Variants in PCDHA2 observed in about 807,000 individuals in gnomAD.
PCDHA2 encodes protocadherin alpha 2, also known as protocadherin alpha-2.
A neutral mutation model predicts 66.0 loss-of-function variants in PCDHA2; 58 were observed. That is an observed-to-expected ratio of 0.88 (90% CI 0.71 to 1.09). The LOEUF (loss-of-function observed/expected upper bound fraction) is 1.09, where lower values mean the gene tolerates loss of function less well. Ranked by LOEUF, PCDHA2 falls within the 50% of genes least tolerant of loss-of-function variation. The probability of loss-of-function intolerance (pLI) is 0.00; values close to 1 mark genes in which losing one functional copy is unlikely to be tolerated. For synonymous variants in PCDHA2, 634 were observed against 554.0 expected (o/e 1.14, Z -2.03); for missense variants, 1,267 against 1,242.3 (o/e 1.02, Z -0.30).
chr5:140,972,958 G>C (rs918792607), intron 1 of PCDHA2, among the ~76,000 whole-genome samples: 1 of 152,038 alleles, frequency 6.6e-6, no homozygotes, highest in African/African-American at 2.4e-5. Context: ...CACCATGCCC[G>C]GCAAAGGAAA....
chr5:140,868,872 G>T, intron 1 of PCDHA2: 1 of 640,590 alleles, frequency 1.6e-6, no homozygotes. Context: ...GCAGTGCACA[G>T]TACTCACAGT....
chr5:140,838,514 G>A (rs1775767521), intron 1 of PCDHA2, among the ~76,000 whole-genome samples: 1 of 151,652 alleles, frequency 6.6e-6, no homozygotes, highest in African/African-American at 2.4e-5. Context: ...AAAAGTATTT[G>A]CATCTTATTT....
At chr5:140,962,169 C>T (rs2095662298) in intron 1 of PCDHA2, among the ~76,000 whole-genome samples, 1 of 152,152 alleles carries the variant, frequency 6.6e-6, no homozygotes, top group Non-Finnish European at 1.5e-5. Flanking sequence ...GCCACCACAC[C>T]CGGCCACTTA....
intron 1 of PCDHA2, chr5:140,926,762 C>T: frequency 7.5e-7 from 1 of 1,326,672 alleles, no homozygotes; most frequent in Non-Finnish European, 9.8e-7. Context: ...CGCTGAGTAT[C>T]CAGCCCGCAG....
At chr5:140,854,384 C>T (rs1268523616) in intron 1 of PCDHA2, 1 of 155,336 alleles carries the variant, frequency 6.4e-6, no homozygotes, top group Non-Finnish European at 1.4e-5. Flanking sequence ...TAACTCATTA[C>T]ATTTTAATTC....
chr5:140,869,778 C>A (rs782226363), intron 1 of PCDHA2: 1 of 1,612,922 alleles, frequency 6.2e-7, no homozygotes, highest in Non-Finnish European at 8.5e-7. Context: ...TTACTGGCAC[C>A]GTTCGGCTGT....
At position 140,835,793 on chromosome 5, in the gene PCDHA2, G is replaced by A. The variant is rs17844310; in HGVS notation, c.2388+38441G>A. The A allele has an allele frequency of 5.6e-5, 90 of 1,613,102 alleles. 1 individual carries two copies. The East Asian group carries it at 1.8e-3, about 33-fold the overall frequency. On this transcript the variant is annotated intron_variant, in intron 1 of 3. Transcript: ENST00000526136. ...TGTTCGTGAAGGAGAACAACCCGCC[G>A]GGCTGCCACATCTTCACTGTGTCGG... is the stretch of plus-strand genomic sequence containing the variant.
chr5:140,809,702 TAA>T, intron 1 of PCDHA2: 2 of 1,127,900 alleles, frequency 1.8e-6, no homozygotes, highest in Non-Finnish European at 2.5e-6. Flanking sequence ...CCATTTTAAC[TAA>T]AGTCTTTTGG....
chr5:140,916,193 C>T lies in PCDHA2; in HGVS notation c.2389-62756C>T, dbSNP rs536117096. On this transcript the variant is annotated intron_variant, in intron 1 of 3. Transcript: ENST00000526136. ...CTGGGACTCTTCAAGGAAGTGGGCACCCCTCTGCCCTGGGGAAGATCCAAA... is the reference window on the plus strand; with the variant it reads ...CTGGGACTCTTCAAGGAAGTGGGCATCCCTCTGCCCTGGGGAAGATCCAAA... 1.6e-4 allele frequency among the ~76,000 whole-genome samples: 25 copies of T among 152,256 alleles called. No individual in the cohort carries two copies. In the South Asian group the frequency reaches 5.0e-3, roughly 30 times the overall value.
chr5:140,880,739 A>G (rs1349403476), intron 1 of PCDHA2, among the ~76,000 whole-genome samples: 1 of 152,204 alleles, frequency 6.6e-6, no homozygotes, highest in South Asian at 2.1e-4. Context: ...GAGAAAATGG[A>G]TTGTCAGTGT....
chr5:140,942,633 G>A (rs1554215141), intron 1 of PCDHA2, among the ~76,000 whole-genome samples: 1 of 151,496 alleles, frequency 6.6e-6, no homozygotes, highest in Admixed American at 6.6e-5. Context: ...AAAAAAAATG[G>A]CAAAAGAGAT....
At chr5:140,923,616 A>T (rs2081445050) in intron 1 of PCDHA2, among the ~76,000 whole-genome samples, 1 of 152,234 alleles carries the variant, frequency 6.6e-6, no homozygotes, top group African/African-American at 2.4e-5. Flanking sequence ...TTATCTGGTC[A>T]TCTTATCCAA....
At chr5:140,921,473 C>T (rs2080232887) in intron 1 of PCDHA2, among the ~76,000 whole-genome samples, 1 of 152,186 alleles carries the variant, frequency 6.6e-6, no homozygotes, top group African/African-American at 2.4e-5. Flanking sequence ...CACTACCAAA[C>T]CACTCTACCT....
At position 140,876,322 on chromosome 5, in the gene PCDHA2, A is replaced by C. The variant is rs146464308; in HGVS notation, c.2388+78970A>C. On this transcript the variant is annotated intron_variant, in intron 1 of 3. Transcript: ENST00000526136. ...AGAAATTTCCTATGGGATCAAAATG[A>C]TTTTGCCAGTGAGTGAGAAATGTAT... 2.9e-4 allele frequency: 465 copies of C among 1,614,034 alleles called. 1 individual carries two copies. In the African/African-American group the frequency reaches 5.7e-3, roughly 20 times the overall value.
At chr5:140,969,210 C>G in intron 1 of PCDHA2, 1 of 1,614,184 alleles carries the variant, frequency 6.2e-7, no homozygotes, top group Non-Finnish European at 8.5e-7. Context: ...GGGGCCCAGA[C>G]AGGACCAGGG....
intron 1 of PCDHA2, among the ~76,000 whole-genome samples, chr5:140,838,247 G>A (rs1775616810): frequency 1.3e-5 from 2 of 149,910 alleles, no homozygotes; most frequent in African/African-American, 4.9e-5. Context: ...CCAAGTAGCT[G>A]GGATTAAAGA....
intron 3 of PCDHA2, among the ~76,000 whole-genome samples, chr5:141,007,395 C>CAAAAAAAAAAAAAAAA (rs35800918): frequency 3.2e-5 from 3 of 94,864 alleles, no homozygotes; most frequent in Non-Finnish European, 4.1e-5. Flanking sequence ...TACTAAAATA[C>CAAAAAAAAAAAAAAAA]AAAAAAAAAA....
Position 140,843,361 on chromosome 5 carries a change from G to A in PCDHA2, c.2388+46009G>A, listed in dbSNP as rs2150358294. On this transcript the variant is annotated intron_variant, in intron 1 of 3. Transcript: ENST00000526136. ...GCGGCCAGGCTCCAAAAGCGTCATC[G>A]AGGCAGTCGGCTGGCGTTTTGGGTC... 3.8e-6 allele frequency: 6 copies of A among 1,596,046 alleles called. No individual in the cohort carries two copies. In the South Asian group the frequency reaches 5.5e-5, roughly 15 times the overall value.
chr5:140,941,304 CTTTT>C (rs2093021953), intron 1 of PCDHA2, among the ~76,000 whole-genome samples: 1 of 84,848 alleles, frequency 1.2e-5, no homozygotes, highest in African/African-American at 4.2e-5. Context: ...TTCTTTCTTT[CTTTT>C]TCTTCTTTCT....
Sources: allele counts gnomAD v4.1 joint callset (sites outside exome capture counted in the v4.1 genomes callset), GRCh38; gene constraint gnomAD v4.1.1; transcripts MANE v1.5; gene names NCBI Gene and HGNC (gene_info 2026-07-23, HGNC 2026-07-21).